The following NEGR1 variants were observed in gnomAD, a reference collection of about 807,000 sequenced individuals.
NEGR1 encodes neuronal growth regulator 1, also known as IgLON family member 4.
A neutral mutation model predicts 40.9 loss-of-function variants in NEGR1; 10 were observed. The ratio of observed to expected loss-of-function variants is 0.24; its 90% CI spans 0.15 to 0.42. NEGR1 has a LOEUF of 0.42. NEGR1 is among the 10% of genes least tolerant of loss of function. The pLI is 1.00. For synonymous variants in NEGR1, 185 were observed against 166.8 expected, an observed-to-expected ratio of 1.11 and a Z score of -0.84; for missense variants, 352 against 438.9, an observed-to-expected ratio of 0.80 and a Z score of 1.77.
At chr1:71,625,236 A>G (rs1298438887) in intron 4 of NEGR1, among the ~76,000 whole-genome samples, 1 of 151,536 alleles carries the variant, frequency 6.6e-6, no homozygotes, top group Non-Finnish European at 1.5e-5. Flanking sequence ...CACATTTTTG[A>G]TTTTTTTGTG....
chr1:72,207,409 A>G (rs1327593702), intron 1 of NEGR1, among the ~76,000 whole-genome samples: 9 of 151,816 alleles, frequency 5.9e-5, no homozygotes, highest in Non-Finnish European at 1.3e-4. Context: ...AATTAAAATA[A>G]AAAATGAAAG....
intron 1 of NEGR1, among the ~76,000 whole-genome samples, chr1:72,146,121 A>C (rs1650899821): frequency 6.6e-6 from 1 of 152,100 alleles, no homozygotes; most frequent in Non-Finnish European, 1.5e-5. Flanking sequence ...GGGCAAAAGC[A>C]CGTTCTTTCA....
At chr1:72,247,738 C>T (rs1654946970) in intron 1 of NEGR1, among the ~76,000 whole-genome samples, 1 of 152,168 alleles carries the variant, frequency 6.6e-6, no homozygotes, top group African/African-American at 2.4e-5. Flanking sequence ...CTGCCCATTC[C>T]ACGTTTTCAG....
chr1:71,915,590 TC>T (rs2101877322), intron 2 of NEGR1, among the ~76,000 whole-genome samples: 1 of 152,286 alleles, frequency 6.6e-6, no homozygotes, highest in East Asian at 1.9e-4. Flanking sequence ...AATGTGGGTT[TC>T]ATTCTCCACA....
chr1:71,916,301 A>G (rs1044759563), intron 2 of NEGR1, among the ~76,000 whole-genome samples: 2 of 152,236 alleles, frequency 1.3e-5, no homozygotes, highest in Non-Finnish European at 2.9e-5. Flanking sequence ...GAGTCTTATC[A>G]GAAACAAAAT....
chr1:72,269,448 G>C (rs925120142), intron 1 of NEGR1, among the ~76,000 whole-genome samples: 4 of 151,576 alleles, frequency 2.6e-5, no homozygotes, highest in African/African-American at 9.7e-5. Context: ...GGACTAGAGT[G>C]CACAAAAAAG....
chr1:71,521,425 T>G (rs1647156713), intron 6 of NEGR1, among the ~76,000 whole-genome samples: 1 of 152,006 alleles, frequency 6.6e-6, no homozygotes, highest in African/African-American at 2.4e-5. Flanking sequence ...GGCCACATCT[T>G]TTTCATCAAT....
At chr1:72,273,497 T>C (rs1316662039) in intron 1 of NEGR1, among the ~76,000 whole-genome samples, 1 of 151,946 alleles carries the variant, frequency 6.6e-6, no homozygotes, top group East Asian at 1.9e-4. Flanking sequence ...TATAACCACA[T>C]TTCAAAATCT....
intron 1 of NEGR1, among the ~76,000 whole-genome samples, chr1:72,086,934 AG>A (rs1271370717): frequency 1.3e-5 from 2 of 152,238 alleles, no homozygotes; most frequent in Admixed American, 1.3e-4. Flanking sequence ...CAAATCATTC[AG>A]TACACTGAAT....
intron 4 of NEGR1, among the ~76,000 whole-genome samples, chr1:71,646,997 A>T (rs934879490): frequency 6.6e-6 from 1 of 151,916 alleles, no homozygotes; most frequent in Admixed American, 6.6e-5. Context: ...TTAGGTAAAA[A>T]TAATCTTCAT....
At chr1:72,160,220 A>G (rs1016960920) in intron 1 of NEGR1, among the ~76,000 whole-genome samples, 1 of 152,174 alleles carries the variant, frequency 6.6e-6, no homozygotes, top group African/African-American at 2.4e-5. Flanking sequence ...CAGAAGAAAC[A>G]GGAGTTGATG....
chr1:71,724,033 A>C (rs1160615109), intron 3 of NEGR1, among the ~76,000 whole-genome samples: 18 of 151,942 alleles, frequency 1.2e-4, no homozygotes, highest in Admixed American at 1.2e-3. Flanking sequence ...AATTTGGAAA[A>C]TTTTCTATCT....
At chr1:72,280,950 G>A (rs77709389) in intron 1 of NEGR1, among the ~76,000 whole-genome samples, 3,090 of 152,264 alleles carry the variant, frequency 0.02, 52 homozygotes, top group Non-Finnish European at 0.033. Context: ...GGGGAGAAGG[G>A]AGGGTGATGG....
At chr1:72,024,312 T>A (rs1646788133) in intron 1 of NEGR1, among the ~76,000 whole-genome samples, 1 of 152,086 alleles carries the variant, frequency 6.6e-6, no homozygotes, top group Non-Finnish European at 1.5e-5. Context: ...ATGGTTTTTT[T>A]TTCTTAGTTT....
chr1:71,673,458 C>G (rs1003080469), intron 4 of NEGR1, among the ~76,000 whole-genome samples: 4 of 50,852 alleles, frequency 7.9e-5, no homozygotes, highest in African/African-American at 2.6e-4. Flanking sequence ...AACTTGGTTC[C>G]TGCTTTTATG....
chr1:72,250,094 C>A (rs1010657810), intron 1 of NEGR1, among the ~76,000 whole-genome samples: 24 of 152,090 alleles, frequency 1.6e-4, no homozygotes, highest in Admixed American at 4.6e-4. Context: ...GTCACATTGG[C>A]CTCTTCCACA....
intron 4 of NEGR1, among the ~76,000 whole-genome samples, chr1:71,688,923 C>A (rs1460086941): frequency 2.0e-5 from 3 of 152,038 alleles, no homozygotes; most frequent in Non-Finnish European, 4.4e-5. Context: ...AAAGCTGAGC[C>A]TCTGAGAAAT....
At chr1:72,062,403 T>C (rs1647193170) in intron 1 of NEGR1, among the ~76,000 whole-genome samples, 3 of 151,964 alleles carry the variant, frequency 2.0e-5, no homozygotes, top group Admixed American at 2.0e-4. Context: ...ATTAGCAATA[T>C]TCCTTAGGTG....
intron 2 of NEGR1, among the ~76,000 whole-genome samples, chr1:71,798,523 CTATT>C (rs1448959205): frequency 2.6e-5 from 4 of 152,230 alleles, no homozygotes; most frequent in South Asian, 4.1e-4. Context: ...ACTATTCTAA[CTATT>C]TATGCATATT....
Sources: gnomAD v4.1 joint callset for allele counts (sites outside exome capture counted in the v4.1 genomes callset) on GRCh38, gnomAD v4.1.1 for gene constraint, MANE v1.5 for transcripts, NCBI Gene and HGNC (gene_info 2026-07-23, HGNC 2026-07-21) for gene names.